The following SPOPL variants were observed in gnomAD, a reference collection of about 807,000 sequenced individuals.
SPOPL encodes the protein speckle-type POZ protein-like.
SPOPL carries 23 observed loss-of-function variants against 53.8 expected under a neutral mutation model. That is an observed-to-expected ratio of 0.43 (90% confidence interval 0.31 to 0.61). The LOEUF is 0.61. Among genes scored for constraint, SPOPL ranks in the 20% least tolerant of loss-of-function variants. SPOPL has a pLI of 0.12. For synonymous variants in SPOPL, 164 were observed against 149.7 expected (o/e 1.10, Z -0.70); for missense variants, 442 against 466.9 (o/e 0.95, Z 0.49).
At chr2:138,549,482 C>A (rs1254140788) in intron 1 of SPOPL, among the ~76,000 whole-genome samples, 1 of 152,032 alleles carries the variant, frequency 6.6e-6, no homozygotes, top group Non-Finnish European at 1.5e-5. Context: ...TCACTAATAT[C>A]CTGGTTAGGT....
chr2:138,531,720 T>A (rs904249258), intron 1 of SPOPL, among the ~76,000 whole-genome samples: 15 of 152,200 alleles, frequency 9.9e-5, no homozygotes, highest in African/African-American at 3.6e-4. Context: ...TTCAGTTGTT[T>A]TCCAGTTCTA....
In SPOPL at chr2:138,546,962, T is replaced by G. The variant is rs144529512; in HGVS notation, c.-60-3195T>G. 1.1e-4 allele frequency among the ~76,000 whole-genome samples: 17 copies of G among 152,284 alleles called. No homozygotes were observed. In the East Asian group the frequency reaches 3.1e-3, roughly 28 times the overall value. ...ATCTTTTATGTAGCTTGCTTTTATT[T>G]TTTTTATTTTATTTTATTTTTGAGA... On this transcript the variant is annotated intron_variant, in intron 1 of 10. Transcript: ENST00000280098.
intron 5 of SPOPL, among the ~76,000 whole-genome samples, chr2:138,555,134 GT>G (rs1558878054): frequency 1.2e-5 from 1 of 85,552 alleles, no homozygotes; most frequent in Non-Finnish European, 2.1e-5. Flanking sequence ...GTAGGAGGGT[GT>G]GTGTGTGTGT....
chr2:138,518,400 T>G (rs944388579), intron 1 of SPOPL, among the ~76,000 whole-genome samples: 14 of 152,322 alleles, frequency 9.2e-5, no homozygotes, highest in African/African-American at 3.4e-4. Flanking sequence ...CCTGTAATAC[T>G]CCTGTAATAT....
At chr2:138,512,293 A>T (rs1684340977) in intron 1 of SPOPL, among the ~76,000 whole-genome samples, 1 of 152,210 alleles carries the variant, frequency 6.6e-6, no homozygotes, top group East Asian at 1.9e-4. Flanking sequence ...ATAAAGTTTT[A>T]GCTGAAATCT....
intron 1 of SPOPL, among the ~76,000 whole-genome samples, chr2:138,504,106 T>C (rs1171367363): frequency 1.3e-5 from 2 of 152,264 alleles, no homozygotes; most frequent in African/African-American, 4.8e-5. Context: ...TTTTAAATAG[T>C]AAAAGTTTGA....
chr2:138,544,053 TG>T (rs1395773214), intron 1 of SPOPL, among the ~76,000 whole-genome samples: 1 of 152,192 alleles, frequency 6.6e-6, no homozygotes, highest in African/African-American at 2.4e-5. Flanking sequence ...CAGCGGATAT[TG>T]GTGAACAGCA....
intron 5 of SPOPL, 80 bp from the exon 6 acceptor site, chr2:138,558,942 A>G (rs1685484223): frequency 1.6e-6 from 2 of 1,224,446 alleles, no homozygotes; most frequent in Non-Finnish European, 1.1e-6. Flanking sequence ...GCTTAAACAT[A>G]AAAAATTGAA....
intron 8 of SPOPL, among the ~76,000 whole-genome samples, chr2:138,562,267 T>G (rs1170251563): frequency 6.6e-6 from 1 of 152,040 alleles, no homozygotes; most frequent in Non-Finnish European, 1.5e-5. Flanking sequence ...CTTGATATCA[T>G]GACTTACTAT....
chr2:138,550,671 TTTG>T (rs1200269507), intron 3 of SPOPL, 67 bp downstream of exon 3: 2 of 1,538,500 alleles, frequency 1.3e-6, no homozygotes, highest in Non-Finnish European at 1.8e-6. Context: ...TGCTCATGAT[TTTG>T]TTATCATTTT....
At chr2:138,505,366 T>C (rs1684192348) in intron 1 of SPOPL, among the ~76,000 whole-genome samples, 1 of 152,142 alleles carries the variant, frequency 6.6e-6, no homozygotes, top group Admixed American at 6.5e-5. Context: ...CAAAAGTTTA[T>C]TAACAACCCA....
At chr2:138,523,027 A>G (rs970855812) in intron 1 of SPOPL, among the ~76,000 whole-genome samples, 22 of 152,264 alleles carry the variant, frequency 1.4e-4, no homozygotes, top group Non-Finnish European at 3.1e-4. Context: ...AGCCATGCAC[A>G]TAAACTCTAT....
chr2:138,529,305 G>A (rs1684748241), intron 1 of SPOPL, among the ~76,000 whole-genome samples: 2 of 152,130 alleles, frequency 1.3e-5, no homozygotes, highest in Non-Finnish European at 2.9e-5. Flanking sequence ...GGGCTCATAG[G>A]AAGCCAATAA....
chr2:138,565,790 G>A (rs1024238936), intron 10 of SPOPL, among the ~76,000 whole-genome samples: 64 of 151,134 alleles, frequency 4.2e-4, no homozygotes, highest in African/African-American at 1.5e-3. Context: ...CTGGAGTGCA[G>A]TGGTGTGATC....
At chr2:138,549,063 A>C (rs1416750580) in intron 1 of SPOPL, among the ~76,000 whole-genome samples, 4 of 152,014 alleles carry the variant, frequency 2.6e-5, no homozygotes, top group African/African-American at 9.7e-5. Context: ...GTTGTTTTAC[A>C]CTGCTGTTCA....
rs964788853 is a variant in SPOPL at position 138,517,337 on chromosome 2, G to T, written c.-61+15218G>T. Among the ~76,000 whole-genome samples, 8 of 152,122 alleles carry T rather than the reference G, an allele frequency of 5.3e-5. No homozygotes were observed. In the East Asian group the frequency reaches 1.3e-3, roughly 26 times the overall value. On this transcript the variant is annotated intron_variant, in intron 1 of 10. Coordinates refer to ENST00000280098, the MANE Select transcript of SPOPL (RefSeq NM_001001664.3). ...ATTATTACACCTCTGATCTCTGACT[G>T]CTGCTTACTTTGTTGTTTCCTTTCA...
intron 1 of SPOPL, among the ~76,000 whole-genome samples, chr2:138,547,571 A>G (rs898948011): frequency 2.0e-5 from 3 of 152,092 alleles, no homozygotes; most frequent in African/African-American, 7.2e-5. Flanking sequence ...GATCTTACGT[A>G]TTTTCTGTAG....
intron 1 of SPOPL, among the ~76,000 whole-genome samples, chr2:138,544,428 A>G (rs1195496522): frequency 6.6e-6 from 1 of 152,196 alleles, no homozygotes; most frequent in Non-Finnish European, 1.5e-5. Flanking sequence ...AAGCCTGGGT[A>G]GCAGTGGGCG....
intron 8 of SPOPL, among the ~76,000 whole-genome samples, chr2:138,562,564 C>T (rs967905394): frequency 3.9e-5 from 6 of 151,920 alleles, no homozygotes; most frequent in Non-Finnish European, 8.8e-5. Flanking sequence ...GTGAACAGAT[C>T]ACTTGAGGTC....
Sources: gnomAD v4.1 joint callset for allele counts (sites outside exome capture counted in the v4.1 genomes callset) on GRCh38, gnomAD v4.1.1 for gene constraint, MANE v1.5 for transcripts, NCBI Gene and HGNC (gene_info 2026-07-23, HGNC 2026-07-21) for gene names.